The following NCOA2 variants were observed in gnomAD, a reference collection of about 807,000 sequenced individuals.
NCOA2 encodes the protein nuclear receptor coactivator 2.
A neutral mutation model predicts 145.1 loss-of-function variants in NCOA2; 21 were observed. That is an observed-to-expected ratio of 0.14 (90% CI 0.10 to 0.21). The LOEUF (loss-of-function observed/expected upper bound fraction) is 0.21. Ranked by LOEUF, NCOA2 falls within the 10% of genes least tolerant of loss-of-function variation. The probability of loss-of-function intolerance (pLI) is 1.00; values close to 1 mark genes in which losing one functional copy is unlikely to be tolerated. For synonymous variants in NCOA2, 619 were observed against 637.5 expected (o/e 0.97, Z 0.44); for missense variants, 1,472 against 1,837.6 (o/e 0.80, Z 3.64).
chr8:70,143,692 A>G (rs2131885203), intron 13 of NCOA2, among the ~76,000 whole-genome samples: 1 of 152,324 alleles, frequency 6.6e-6, no homozygotes, highest in East Asian at 1.9e-4. Context: ...GAACTCTTAT[A>G]TTCAGTTAAC....
At chr8:70,277,648 C>T (rs1586343857) in intron 2 of NCOA2, among the ~76,000 whole-genome samples, 2 of 152,122 alleles carry the variant, frequency 1.3e-5, no homozygotes, top group African/African-American at 4.8e-5. Context: ...CCCACAAATG[C>T]TATTTTTAGG....
intron 1 of NCOA2, among the ~76,000 whole-genome samples, chr8:70,316,630 C>A (rs563409202): frequency 6.6e-6 from 1 of 152,130 alleles, no homozygotes; most frequent in Non-Finnish European, 1.5e-5. Flanking sequence ...CATAACCAAA[C>A]GGAAACTTCA....
At chr8:70,260,216 C>T (rs547219678) in intron 2 of NCOA2, among the ~76,000 whole-genome samples, 21 of 151,872 alleles carry the variant, frequency 1.4e-4, no homozygotes, top group African/African-American at 2.7e-4. Flanking sequence ...CTCGGTCTGT[C>T]GCCCAGGCTG....
In NCOA2 at chr8:70,109,832, T is replaced by C. The variant is rs1806390566; in HGVS notation, c.*3800A>G. On this transcript the variant is annotated 3_prime_UTR_variant, in exon 23 of 23. Transcript: ENST00000452400. ...TTAAATGATGCAATAACAACAGAAT[T>C]CTTTATTTACAATAGCATTATTTAA... 1 of 179,868 alleles carries C rather than the reference T, an allele frequency of 5.6e-6. No individual in the cohort carries two copies. The highest frequency in any genetic ancestry group is 1.2e-5 in the Non-Finnish European group (1 of 83,940). 11.1% of individuals were successfully genotyped at this position (179,868 alleles called of 1,614,324 possible).
At chr8:70,406,648 G>GA (rs1814786542), upstream of NCOA2, among the ~76,000 whole-genome samples, 1 of 152,110 alleles carries the variant, frequency 6.6e-6, no homozygotes, top group Non-Finnish European at 1.5e-5. Context: ...ATGCAGCATG[G>GA]AAAAGTAAAG....
Position 70,328,125 on chromosome 8 carries a change from G to A in NCOA2, c.-76-31325C>T, listed in dbSNP as rs184353769. On this transcript the variant is annotated intron_variant, in intron 1 of 22. Coordinates refer to ENST00000452400, the MANE Select transcript of NCOA2 (RefSeq NM_006540.4). Reference sequence around the variant, plus strand: ...AGATGAGACCGTCTGACTAATCAGCGTACCTGAGACACATACAGAAAAGTT... The same window carrying A: ...AGATGAGACCGTCTGACTAATCAGCATACCTGAGACACATACAGAAAAGTT... Among the ~76,000 whole-genome samples, 488 of 152,270 alleles carry A rather than the reference G, an allele frequency of 3.2e-3. 2 individuals carry two copies. The highest frequency in any genetic ancestry group is 0.011 in the African/African-American group (460 of 41,548).
chr8:70,114,669 G>A (rs998348889), intron 22 of NCOA2, among the ~76,000 whole-genome samples: 1 of 152,160 alleles, frequency 6.6e-6, no homozygotes, highest in Non-Finnish European at 1.5e-5. Flanking sequence ...ATAACAACAT[G>A]ATCTGAGTTT....
At chr8:70,256,621 T>C (rs915879662) in intron 2 of NCOA2, among the ~76,000 whole-genome samples, 1 of 152,238 alleles carries the variant, frequency 6.6e-6, no homozygotes, top group Non-Finnish European at 1.5e-5. Context: ...CAAACACTTT[T>C]AGTGCTTACC....
chr8:70,263,175 C>T (rs1400445964), intron 2 of NCOA2, among the ~76,000 whole-genome samples: 1 of 146,366 alleles, frequency 6.8e-6, no homozygotes, highest in Admixed American at 6.9e-5. Flanking sequence ...GATACCTAGA[C>T]AGTGGACCTG....
intron 11 of NCOA2, among the ~76,000 whole-genome samples, chr8:70,153,733 G>A (rs1430686689): frequency 6.6e-6 from 1 of 152,060 alleles, no homozygotes; most frequent in Admixed American, 6.6e-5. Context: ...GTGTTAATAT[G>A]GTTTTACATT....
chr8:70,205,370 A>G (rs573458219), intron 4 of NCOA2, among the ~76,000 whole-genome samples: 3 of 152,320 alleles, frequency 2.0e-5, no homozygotes, highest in Non-Finnish European at 2.9e-5. Flanking sequence ...GTCAGCAATA[A>G]TAAGTAGTCT....
chr8:70,163,384 T>C (rs1813263540), intron 8 of NCOA2, 81 bp downstream of exon 8: 7 of 1,003,824 alleles, frequency 7.0e-6, no homozygotes, highest in Non-Finnish European at 1.1e-5. Flanking sequence ...CCTTACAGTC[T>C]TCTAAATAGA....
chr8:70,421,118 CA>C, the NCOA2 span, among the ~76,000 whole-genome samples: 7 of 151,730 alleles, frequency 4.6e-5, no homozygotes, highest in African/African-American at 1.7e-4. Context: ...GGGGCTTTTA[CA>C]AAAAATACTG....
chr8:70,126,842 G>A lies in NCOA2; in HGVS notation c.3887C>T (p.Ala1296Val). Residue 1296 changes from alanine to valine, a missense_variant, in exon 19 of 23, where the codon GCA becomes GTA. Physicochemically the swap from Ala to Val is moderately conservative, Grantham distance 64 (BLOSUM62 0). Coordinates refer to ENST00000452400, the MANE Select transcript of NCOA2 (RefSeq NM_006540.4). ...GTTTGGAGGAAATGGAAACTGCTGT[G>A]CATTTGCCTGGGGAATCCGAGGGTT... Reference protein sequence around the residue: ...MSNPRIPQANAQQFPFPPNYG... With the variant: ...MSNPRIPQANVQQFPFPPNYG... 1.2e-6 allele frequency: 2 copies of A among 1,613,994 alleles called. No individual in the cohort carries two copies. Among genetic ancestry groups the A allele is most frequent in the Middle Eastern group, 1.7e-4 (1 of 6,058 alleles).
At chr8:70,264,215 CAA>C (rs1042593308) in intron 2 of NCOA2, among the ~76,000 whole-genome samples, 4 of 134,972 alleles carry the variant, frequency 3.0e-5, no homozygotes, top group Non-Finnish European at 3.2e-5. Context: ...AACTCTGTCT[CAA>C]AAAAAAAAAA....
chr8:70,279,525 G>A (rs1425909726), intron 2 of NCOA2, among the ~76,000 whole-genome samples: 3 of 152,086 alleles, frequency 2.0e-5, no homozygotes. Context: ...CCTTAACCTT[G>A]GCTTACCCCT....
intron 1 of NCOA2, among the ~76,000 whole-genome samples, chr8:70,365,318 C>T (rs745944570): frequency 2.2e-4 from 34 of 151,976 alleles, no homozygotes; most frequent in Non-Finnish European, 4.7e-4. Flanking sequence ...GGCGACAGAG[C>T]GAGACTCCGT....
chr8:70,347,893 T>C (rs1053636175), intron 1 of NCOA2, among the ~76,000 whole-genome samples: 12 of 152,224 alleles, frequency 7.9e-5, no homozygotes, highest in African/African-American at 2.7e-4. Flanking sequence ...TTCTGTATTG[T>C]TAATTTGCAT....
intron 2 of NCOA2, among the ~76,000 whole-genome samples, chr8:70,283,891 A>G (rs965321380): frequency 2.0e-5 from 3 of 152,196 alleles, no homozygotes; most frequent in African/African-American, 7.2e-5. Context: ...GGAGGATTTC[A>G]GATATGGGAT....
Sources: gnomAD v4.1 joint callset for allele counts (sites outside exome capture counted in the v4.1 genomes callset) on GRCh38, gnomAD v4.1.1 for gene constraint, MANE v1.5 for transcripts, NCBI Gene and HGNC (gene_info 2026-07-23, HGNC 2026-07-21) for gene names.